ITCH: variants seen among roughly 807,000 people sequenced by gnomAD.
The protein encoded by ITCH is E3 ubiquitin-protein ligase Itchy homolog.
In ITCH, 28 loss-of-function variants were observed where a neutral mutation model predicts 126.8. That is an observed-to-expected ratio of 0.22 (90% CI 0.16 to 0.30). The LOEUF is 0.30. Ranked by LOEUF, ITCH falls within the 10% of genes least tolerant of loss-of-function variation. The probability of loss-of-function intolerance (pLI) is 1.00; values close to 1 mark genes in which losing one functional copy is unlikely to be tolerated. For missense variants in ITCH, 631 were observed against 1,032.4 expected (o/e 0.61, Z 5.33); for synonymous variants, 342 against 340.0 (o/e 1.01, Z -0.06).
intron 2 of ITCH, among the ~76,000 whole-genome samples, chr20:34,377,196 A>T (rs940579517): frequency 6.6e-6 from 1 of 152,022 alleles, no homozygotes; most frequent in African/African-American, 2.4e-5. Flanking sequence ...AACAGGGCGA[A>T]ACCTCGTGTC....
At position 34,504,344 on chromosome 20, in the gene ITCH, A is replaced by T. The variant is rs1490190564; in HGVS notation, c.2430A>T (p.Pro810=). 2 of 1,613,112 alleles carry T rather than the reference A, an allele frequency of 1.2e-6. No homozygotes were observed. Among genetic ancestry groups the T allele is most frequent in the Admixed American group, 1.7e-5 (1 of 60,008 alleles). Residue 810 remains proline, a synonymous_variant, in exon 24 of 25, where the codon CCA becomes CCT. Transcript: ENST00000374864. ...GFADLMGSNG[P]QKFCIEKVGK... ...ATTATGTTTTAGGGAGCAATGGACC[A>T]CAGAAATTCTGCATTGAAAAAGTTG...
intron 3 of ITCH, chr20:34,402,163 T>C (rs2038909659): frequency 7.2e-6 from 9 of 1,243,326 alleles, no homozygotes; most frequent in Non-Finnish European, 9.4e-6. Flanking sequence ...AGCACACATA[T>C]GCAGCTCTTC....
At chr20:34,472,929 C>T (rs1987784760) in intron 16 of ITCH, among the ~76,000 whole-genome samples, 1 of 152,146 alleles carries the variant, frequency 6.6e-6, no homozygotes, top group Non-Finnish European at 1.5e-5. Flanking sequence ...GGACGAGTTT[C>T]TTGAAGCAAC....
chr20:34,429,720 C>G (rs1435199827), intron 7 of ITCH, among the ~76,000 whole-genome samples: 1 of 152,102 alleles, frequency 6.6e-6, no homozygotes. Context: ...ATTTCATACC[C>G]TTTTGAGAGC....
intron 3 of ITCH, among the ~76,000 whole-genome samples, chr20:34,400,652 T>C (rs921353159): frequency 2.0e-5 from 3 of 149,248 alleles, no homozygotes; most frequent in Admixed American, 6.7e-5. Context: ...TTTTCTTTTT[T>C]TTTTTTTTTT....
intron 2 of ITCH, among the ~76,000 whole-genome samples, chr20:34,370,637 C>T (rs538548188): frequency 6.8e-6 from 1 of 147,056 alleles, no homozygotes; most frequent in Non-Finnish European, 1.5e-5. Flanking sequence ...ATACTCCAGC[C>T]TGGGCAACAG....
chr20:34,380,060 C>A (rs2037999507), intron 2 of ITCH, among the ~76,000 whole-genome samples: 1 of 151,892 alleles, frequency 6.6e-6, no homozygotes, highest in Non-Finnish European at 1.5e-5. Flanking sequence ...CCACGCCCAG[C>A]TAATTTTTGT....
At chr20:34,506,075 T>G (rs866553052) in intron 24 of ITCH, among the ~76,000 whole-genome samples, 1 of 152,126 alleles carries the variant, frequency 6.6e-6, no homozygotes, top group Non-Finnish European at 1.5e-5. Context: ...AAAAATTGTT[T>G]CTTTTGTTGA....
intron 6 of ITCH, among the ~76,000 whole-genome samples, chr20:34,415,248 A>T (rs893815176): frequency 6.6e-6 from 1 of 151,888 alleles, no homozygotes; most frequent in Non-Finnish European, 1.5e-5. Context: ...TTCCTCTTTG[A>T]CTCATGACTT....
At chr20:34,372,183 T>C (rs2037658692) in intron 2 of ITCH, among the ~76,000 whole-genome samples, 1 of 149,680 alleles carries the variant, frequency 6.7e-6, no homozygotes, top group African/African-American at 2.4e-5. Flanking sequence ...CGGGCGCCTG[T>C]AGTCCCAGCT....
At chr20:34,475,862 C>T (rs767767940) in intron 16 of ITCH, 1 of 909,322 alleles carries the variant, frequency 1.1e-6, no homozygotes, top group Non-Finnish European at 1.8e-6. Context: ...CTCATTTTAT[C>T]ACTTAAATAA....
Position 34,445,350 on chromosome 20 carries a change from A to G in ITCH, c.1029A>G (p.Thr343=), listed in dbSNP as rs779543266. 1.2e-6 allele frequency: 2 copies of G among 1,613,864 alleles called. No homozygotes were observed. The highest frequency in any genetic ancestry group is 2.2e-5 in the South Asian group (2 of 91,056). The change falls in exon 11 of 25, where the codon ACA becomes ACG. Residue 343 remains threonine (T), a synonymous_variant. Coordinates refer to ENST00000374864, the MANE Select transcript of ITCH (RefSeq NM_031483.7). ...IYYVDHFTRT[T]TWQRPTLESV... is the part of the protein sequence containing the mutation. Reference sequence around the variant, plus strand: ...ATGTTGACCATTTCACAAGAACAACAACGTGGCAGAGGCCAACACTGGAAT... The same window carrying G: ...ATGTTGACCATTTCACAAGAACAACGACGTGGCAGAGGCCAACACTGGAAT...
intron 16 of ITCH, chr20:34,476,507 T>G (rs1988247042): frequency 8.6e-7 from 1 of 1,163,674 alleles, no homozygotes; most frequent in Non-Finnish European, 1.1e-6. Context: ...AGGAATTATT[T>G]AAAGATAGTT....
At chr20:34,454,817 G>GTTTTTTTTTTTTTTTTTTTTTT (rs200486269) in intron 12 of ITCH, among the ~76,000 whole-genome samples, 1 of 109,538 alleles carries the variant, frequency 9.1e-6, no homozygotes, top group African/African-American at 3.8e-5. Flanking sequence ...TTCTTTTCCT[G>GTTTTTTTTTTTTTTTTTTTTTT]TTTTTTTTTT....
intron 16 of ITCH, among the ~76,000 whole-genome samples, chr20:34,477,525 C>G (rs183572270): frequency 4.2e-4 from 64 of 151,748 alleles, no homozygotes; most frequent in South Asian, 2.9e-3. Flanking sequence ...GAGAGACTGT[C>G]TAAAAGTAAA....
chr20:34,366,834 G>T (rs960953523), intron 1 of ITCH, among the ~76,000 whole-genome samples: 2 of 152,166 alleles, frequency 1.3e-5, no homozygotes, highest in African/African-American at 2.4e-5. Flanking sequence ...AAAAAAGAAA[G>T]ATTGCTCTGG....
intron 23 of ITCH, among the ~76,000 whole-genome samples, chr20:34,503,929 G>A (rs1169123891): frequency 1.0e-4 from 15 of 145,092 alleles, no homozygotes; most frequent in Admixed American, 1.4e-4. Flanking sequence ...TCACCCGGGC[G>A]AGAGTGTAGT....
Position 34,477,484 on chromosome 20 carries a change from G to A in ITCH, c.1570-288G>A, listed in dbSNP as rs150105068. On this transcript the variant is annotated intron_variant, in intron 16 of 24. Transcript: ENST00000374864. ...GGTGGAGGTGTGGTAAGCCGAGATTGTGCCATTGCACTCCAGCCTGGGCAA... is the reference window on the plus strand; with the variant it reads ...GGTGGAGGTGTGGTAAGCCGAGATTATGCCATTGCACTCCAGCCTGGGCAA... Among the ~76,000 whole-genome samples, 1,324 of 152,242 alleles carry A rather than the reference G, an allele frequency of 8.7e-3. 17 individuals carry two copies. The highest frequency in any genetic ancestry group is 0.031 in the African/African-American group (1,271 of 41,538).
At chr20:34,471,578 C>A (rs1987624717) in intron 16 of ITCH, 63 bp downstream of exon 16, 5 of 1,003,954 alleles carry the variant, frequency 5.0e-6, no homozygotes, top group Non-Finnish European at 4.8e-6. Context: ...GCTTTTGGTG[C>A]TGTCAGTTTA....
Sources: allele counts gnomAD v4.1 joint callset (sites outside exome capture counted in the v4.1 genomes callset), GRCh38; gene constraint gnomAD v4.1.1; transcripts MANE v1.5; gene names NCBI Gene and HGNC (gene_info 2026-07-23, HGNC 2026-07-21).